The following C16orf74 variants were observed in gnomAD, a reference collection of about 807,000 sequenced individuals.
C16orf74 encodes the protein calcimembrin, also known as uncharacterized protein C16orf74.
Under a neutral mutation model 6.5 loss-of-function variants are expected in C16orf74, and 10 were observed. That is an observed-to-expected ratio of 1.54 (90% CI 0.95 to 2.61). The LOEUF is 2.61. C16orf74 is among the 30% of genes most tolerant of loss of function. C16orf74 has a pLI of 0.00. For missense variants in C16orf74, 141 were observed against 105.9 expected, an observed-to-expected ratio of 1.33 and a Z score of -1.45; for synonymous variants, 60 against 42.5, an observed-to-expected ratio of 1.41 and a Z score of -1.60.
At chr16:85,750,581 G>A (rs1016134456) in intron 1 of C16orf74, among the ~76,000 whole-genome samples, 7 of 152,198 alleles carry the variant, frequency 4.6e-5, no homozygotes, top group East Asian at 1.9e-4. Context: ...CAGCTCTCAG[G>A]AATGGCGTTC....
intron 1 of C16orf74, among the ~76,000 whole-genome samples, chr16:85,747,402 T>C (rs2054386170): frequency 6.6e-6 from 1 of 151,860 alleles, no homozygotes; most frequent in Non-Finnish European, 1.5e-5. Flanking sequence ...CAGTGAGCCA[T>C]GATCATGCCA....
intron 2 of C16orf74, among the ~76,000 whole-genome samples, chr16:85,734,001 T>C (rs1042458852): frequency 1.3e-4 from 20 of 152,176 alleles, no homozygotes; most frequent in African/African-American, 4.6e-4. Context: ...CCTGGGAATC[T>C]GAAGGGTGGT....
chr16:85,723,259 C>CAAAA (rs5818553), intron 2 of C16orf74, among the ~76,000 whole-genome samples: 1 of 60,116 alleles, frequency 1.7e-5, no homozygotes, highest in African/African-American at 6.3e-5. Flanking sequence ...GACTCCATCT[C>CAAAA]AAAAAAAAAA....
At chr16:85,718,011 G>A (rs374130686) in intron 2 of C16orf74, among the ~76,000 whole-genome samples, 16 of 152,232 alleles carry the variant, frequency 1.1e-4, no homozygotes, top group African/African-American at 7.2e-5. Flanking sequence ...AGAGGTCACC[G>A]CAGACACCCG....
Position 85,707,943 on chromosome 16 carries a change from G to GC in C16orf74, c.*64dup, listed in dbSNP as rs2053929167. 5 of 1,409,462 alleles carry GC rather than the reference G, an allele frequency of 3.5e-6. No individual in the cohort carries two copies. The African/African-American group carries it at 7.1e-5, about 20-fold the overall frequency. The allele number at this position is 1,409,462 out of a possible 1,614,324, so 87.3% of individuals were successfully genotyped here. A position where few individuals can be genotyped will look rare whatever the true frequency, so the allele number is the denominator to read the frequency against. ...CAGCACACCTGCTCCAGGCAGCCAC[G>GC]CCCCCGGACACCTGAAGCCGGGCCG... On this transcript the variant is annotated 3_prime_UTR_variant, in exon 4 of 4. Transcript: ENST00000284245.
intron 2 of C16orf74, among the ~76,000 whole-genome samples, chr16:85,713,312 C>A (rs770252605): frequency 6.6e-5 from 10 of 152,140 alleles, no homozygotes; most frequent in Non-Finnish European, 1.3e-4. Context: ...CACTCTGTCA[C>A]CCAGGCTGCA....
intron 2 of C16orf74, among the ~76,000 whole-genome samples, chr16:85,726,845 C>T (rs1185154099): frequency 2.0e-5 from 3 of 152,296 alleles, no homozygotes; most frequent in East Asian, 1.9e-4. Context: ...CTCCACCATG[C>T]ACGCCAGGCT....
chr16:85,718,212 T>C (rs1488928134), intron 2 of C16orf74, among the ~76,000 whole-genome samples: 1 of 152,106 alleles, frequency 6.6e-6, no homozygotes, highest in African/African-American at 2.4e-5. Context: ...TGGGTGAAAC[T>C]ACAGGCACTC....
intron 2 of C16orf74, among the ~76,000 whole-genome samples, chr16:85,719,367 A>G (rs1166871303): frequency 1.3e-5 from 2 of 152,154 alleles, no homozygotes; most frequent in Non-Finnish European, 2.9e-5. Context: ...GAGAAAAAGC[A>G]GGAGGGTCCC....
At chr16:85,746,166 A>G (rs1391294439) in intron 1 of C16orf74, among the ~76,000 whole-genome samples, 2 of 152,134 alleles carry the variant, frequency 1.3e-5, no homozygotes, top group East Asian at 1.9e-4. Context: ...CCTGGCCAAC[A>G]TGATGACACC....
intron 1 of C16orf74, among the ~76,000 whole-genome samples, chr16:85,741,990 A>G (rs1057429002): frequency 4.6e-5 from 7 of 152,190 alleles, no homozygotes; most frequent in Admixed American, 1.3e-4. Context: ...GTCATGGGGC[A>G]ATCTCTCATG....
Position 85,710,149 on chromosome 16 carries a change from A to T in C16orf74, c.172+15T>A. On this transcript the variant is annotated intron_variant, in intron 3 of 3. Coordinates refer to ENST00000284245, the MANE Select transcript of C16orf74 (RefSeq NM_206967.3). ...CACAGCCGACCCGGCTTGGCGGTGG[A>T]GGGGACGGCCTCACCTGTGCTCCCC... The T allele has an allele frequency of 7.1e-7, 1 of 1,409,736 alleles. No individual in the cohort carries two copies. The highest frequency in any genetic ancestry group is 9.2e-7 in the Non-Finnish European group (1 of 1,085,324). 87.3% of individuals were successfully genotyped at this position (1,409,736 alleles called of 1,614,324 possible).
intron 1 of C16orf74, chr16:85,743,290 TATC>T (rs2054330526): frequency 6.6e-6 from 1 of 152,230 alleles, no homozygotes; most frequent in Non-Finnish European, 1.5e-5. Context: ...CCTTAAACTT[TATC>T]ATCATCGTCA....
intron 2 of C16orf74, among the ~76,000 whole-genome samples, chr16:85,734,616 A>C (rs1336936342): frequency 1.3e-5 from 2 of 152,198 alleles, no homozygotes; most frequent in Non-Finnish European, 2.9e-5. Flanking sequence ...AACTGTCACC[A>C]AGGTAAAGAA....
chr16:85,709,756 C>T (rs981528426), intron 3 of C16orf74, among the ~76,000 whole-genome samples: 1 of 152,276 alleles, frequency 6.6e-6, no homozygotes, highest in Admixed American at 6.5e-5. Context: ...GGTCCGGCCC[C>T]AGCCTGGGCA....
intron 1 of C16orf74, among the ~76,000 whole-genome samples, chr16:85,748,953 AT>A (rs1204636454): frequency 2.6e-5 from 3 of 114,560 alleles, no homozygotes; most frequent in Admixed American, 8.9e-5. Flanking sequence ...TTTTTATTTT[AT>A]TTTTTTTTAG....
At chr16:85,718,155 G>C (rs559250031) in intron 2 of C16orf74, among the ~76,000 whole-genome samples, 2 of 152,270 alleles carry the variant, frequency 1.3e-5, no homozygotes, top group South Asian at 2.1e-4. Context: ...CTGCAGCCTG[G>C]ACTTCCCTGG....
At position 85,710,325 on chromosome 16, in the gene C16orf74, G is replaced by C. The variant is rs748838192; in HGVS notation, c.29-18C>G. The C allele has an allele frequency of 3.4e-6, 5 of 1,486,582 alleles. No individual in the cohort carries two copies. The Middle Eastern group carries it at 6.9e-4, about 205-fold the overall frequency. 92.1% of individuals were successfully genotyped at this position (1,486,582 alleles called of 1,614,324 possible). On this transcript the variant is annotated intron_variant, in intron 2 of 3. Coordinates refer to ENST00000284245, the MANE Select transcript of C16orf74 (RefSeq NM_206967.3). Reference sequence around the variant, plus strand: ...TTGAAAGCCTGAGAAGCCAGGCGTGGAGCACACACGCACGTACACACGACA... The same window carrying C: ...TTGAAAGCCTGAGAAGCCAGGCGTGCAGCACACACGCACGTACACACGACA...
intron 2 of C16orf74, among the ~76,000 whole-genome samples, chr16:85,726,628 G>A (rs759237357): frequency 6.6e-6 from 1 of 152,082 alleles, no homozygotes; most frequent in Non-Finnish European, 1.5e-5. Context: ...GGTTCAGCGG[G>A]GACTGGATTC....
Sources: gnomAD v4.1 joint callset for allele counts (sites outside exome capture counted in the v4.1 genomes callset) on GRCh38, gnomAD v4.1.1 for gene constraint, MANE v1.5 for transcripts, NCBI Gene and HGNC (gene_info 2026-07-23, HGNC 2026-07-21) for gene names.